The following CDH20 variants were observed in gnomAD, a reference collection of about 807,000 sequenced individuals.
CDH20 encodes cadherin-20.
A neutral mutation model predicts 74.2 loss-of-function variants in CDH20; 29 were observed. That is an observed-to-expected ratio of 0.39 (90% CI 0.29 to 0.53). CDH20 has a LOEUF of 0.53. CDH20 is among the 20% of genes least tolerant of loss of function. The pLI, the probability that CDH20 is intolerant of heterozygous loss-of-function variation, is 0.69. For missense variants in CDH20, 988 were observed against 1,048.3 expected, an observed-to-expected ratio of 0.94 and a Z score of 0.79; for synonymous variants, 469 against 405.4, an observed-to-expected ratio of 1.16 and a Z score of -1.88.
At chr18:61,484,980 A>G (rs1233815516) in intron 1 of CDH20, among the ~76,000 whole-genome samples, 1 of 152,154 alleles carries the variant, frequency 6.6e-6, no homozygotes, top group Non-Finnish European at 1.5e-5. Flanking sequence ...GGGAAAGAGA[A>G]GATTTCAGAG....
At chr18:61,426,612 TA>T (rs1226950221) in intron 1 of CDH20, among the ~76,000 whole-genome samples, 1 of 152,214 alleles carries the variant, frequency 6.6e-6, no homozygotes, top group Non-Finnish European at 1.5e-5. Context: ...AGAATTAATA[TA>T]TCTGCCCATT....
At chr18:61,487,902 G>C (rs1252173034) in intron 1 of CDH20, among the ~76,000 whole-genome samples, 1 of 152,074 alleles carries the variant, frequency 6.6e-6, no homozygotes, top group East Asian at 1.9e-4. Context: ...ATAAAATGTA[G>C]CCAGTGGAAG....
chr18:61,393,989 T>A (rs1911879188), intron 1 of CDH20, among the ~76,000 whole-genome samples: 1 of 152,140 alleles, frequency 6.6e-6, no homozygotes, highest in South Asian at 2.1e-4. Flanking sequence ...ATTAATTTTT[T>A]AATTTATGTA....
intron 9 of CDH20, among the ~76,000 whole-genome samples, chr18:61,541,716 G>A (rs189817328): frequency 1.9e-3 from 290 of 152,324 alleles, no homozygotes; most frequent in Admixed American, 2.8e-3. Context: ...AAAGTATCGG[G>A]CCTCCTTGTG....
intron 2 of CDH20, among the ~76,000 whole-genome samples, chr18:61,493,951 A>G (rs2144303762): frequency 6.6e-6 from 1 of 152,322 alleles, no homozygotes; most frequent in African/African-American, 2.4e-5. Flanking sequence ...TACTTGGCAC[A>G]GAACTGGCCA....
intron 1 of CDH20, among the ~76,000 whole-genome samples, chr18:61,434,024 A>G (rs981645684): frequency 2.0e-5 from 3 of 152,130 alleles, no homozygotes; most frequent in African/African-American, 7.2e-5. Flanking sequence ...TGGGGACTAC[A>G]TATGTATATG....
intron 1 of CDH20, among the ~76,000 whole-genome samples, chr18:61,459,244 A>G (rs1909684913): frequency 6.6e-6 from 1 of 152,280 alleles, no homozygotes; most frequent in Admixed American, 6.5e-5. Flanking sequence ...TGGTAAAATT[A>G]TATTCTGAAT....
At chr18:61,401,767 AT>A (rs1912162888) in intron 1 of CDH20, among the ~76,000 whole-genome samples, 1 of 152,176 alleles carries the variant, frequency 6.6e-6, no homozygotes, top group Admixed American at 6.5e-5. Context: ...TGAGCAATGT[AT>A]TTTTGTTCCG....
At chr18:61,526,321 T>C (rs1912412979) in intron 6 of CDH20, among the ~76,000 whole-genome samples, 1 of 151,724 alleles carries the variant, frequency 6.6e-6, no homozygotes, top group African/African-American at 2.4e-5. Flanking sequence ...TAGAGACGAT[T>C]TTTTTTAAGT....
chr18:61,367,524 T>C (rs1196649777), intron 1 of CDH20, among the ~76,000 whole-genome samples: 4 of 152,198 alleles, frequency 2.6e-5, no homozygotes, highest in Non-Finnish European at 5.9e-5. Flanking sequence ...CTGGAGGTCC[T>C]GTGGGAGAAT....
chr18:61,371,527 G>A (rs182416176), intron 1 of CDH20, among the ~76,000 whole-genome samples: 1 of 152,130 alleles, frequency 6.6e-6, no homozygotes, highest in East Asian at 1.9e-4. Flanking sequence ...AATATGCATT[G>A]TCTTAGATAT....
At chr18:61,539,297 C>G (rs774871308) in intron 9 of CDH20, 152 bp downstream of exon 9, 1 of 805,368 alleles carries the variant, frequency 1.2e-6, no homozygotes, top group African/African-American at 1.7e-5. Context: ...AGGTTTCAAC[C>G]ATTTATTTGT....
intron 1 of CDH20, among the ~76,000 whole-genome samples, chr18:61,369,868 C>A (rs903166631): frequency 1.3e-5 from 2 of 152,062 alleles, no homozygotes; most frequent in Non-Finnish European, 2.9e-5. Flanking sequence ...CTGACAAGAA[C>A]ACATGGACAC....
intron 1 of CDH20, among the ~76,000 whole-genome samples, chr18:61,373,398 G>A (rs1424455175): frequency 6.6e-6 from 1 of 151,942 alleles, no homozygotes; most frequent in African/African-American, 2.4e-5. Context: ...ATCCCCTAAT[G>A]ACTATTACCC....
intron 1 of CDH20, among the ~76,000 whole-genome samples, chr18:61,456,685 G>T (rs1909581715): frequency 6.6e-6 from 1 of 152,046 alleles, no homozygotes; most frequent in Admixed American, 6.6e-5. Flanking sequence ...AAGACTTCTT[G>T]ATTAATGAGT....
chr18:61,497,277 A>G (rs1021409220), intron 2 of CDH20, among the ~76,000 whole-genome samples: 2 of 152,186 alleles, frequency 1.3e-5, no homozygotes, highest in African/African-American at 4.8e-5. Flanking sequence ...CCTAGGCAGC[A>G]AAACCATTGC....
At chr18:61,398,346 G>A (rs1334709590) in intron 1 of CDH20, among the ~76,000 whole-genome samples, 2 of 152,134 alleles carry the variant, frequency 1.3e-5, no homozygotes, top group African/African-American at 2.4e-5. Flanking sequence ...AACCTGAAAA[G>A]AGTAGTATCA....
At chr18:61,359,319 G>A (rs530447587) in intron 1 of CDH20, among the ~76,000 whole-genome samples, 1 of 150,374 alleles carries the variant, frequency 6.7e-6, no homozygotes, top group Non-Finnish European at 1.5e-5. Flanking sequence ...GATTTTTTTG[G>A]CATAGACTTT....
At chr18:61,473,858 C>A (rs1466843398) in intron 1 of CDH20, among the ~76,000 whole-genome samples, 1 of 152,160 alleles carries the variant, frequency 6.6e-6, no homozygotes, top group Non-Finnish European at 1.5e-5. Context: ...TACTTTATAG[C>A]CAGTAAGAGT....
Sources: allele counts gnomAD v4.1 joint callset (sites outside exome capture counted in the v4.1 genomes callset), GRCh38; gene constraint gnomAD v4.1.1; transcripts MANE v1.5; gene names NCBI Gene and HGNC (gene_info 2026-07-23, HGNC 2026-07-21).